TTLL9: variants seen among roughly 807,000 people sequenced by gnomAD.
The protein encoded by TTLL9 is probable tubulin polyglutamylase TTLL9.
In TTLL9, 47 loss-of-function variants were observed where a neutral mutation model predicts 65.6. The ratio of observed to expected loss-of-function variants is 0.72; its 90% CI spans 0.57 to 0.91. The LOEUF (loss-of-function observed/expected upper bound fraction) is 0.91, where lower values mean the gene tolerates loss of function less well. TTLL9 is among the 40% of genes least tolerant of loss of function. The probability of loss-of-function intolerance (pLI) is 0.00; values close to 1 mark genes in which losing one functional copy is unlikely to be tolerated. For synonymous variants in TTLL9, 179 were observed against 204.8 expected, an observed-to-expected ratio of 0.87 and a Z score of 1.07; for missense variants, 537 against 568.8, an observed-to-expected ratio of 0.94 and a Z score of 0.57.
rs146841840 is a variant in TTLL9 at position 31,879,571 on chromosome 20, T to G, written c.70-7625T>G. 91 of 384,190 alleles carry G rather than the reference T, an allele frequency of 2.4e-4. No individual in the cohort carries two copies. In the East Asian group the frequency reaches 3.9e-3, roughly 16 times the overall value. The allele number at this position is 384,190 out of a possible 1,614,324, so 23.8% of individuals were successfully genotyped here. ...AACTTTTCAGATGCAGCGCTCCCAG[T>G]TTAAGGAAAGTGCAGTTGGAGGCGG... is the stretch of plus-strand genomic sequence containing the variant. On this transcript the variant is annotated intron_variant, in intron 2 of 14. Transcript: ENST00000535842.
intron 8 of TTLL9, among the ~76,000 whole-genome samples, chr20:31,924,702 A>G (rs756947133): frequency 6.6e-6 from 1 of 151,760 alleles, no homozygotes; most frequent in East Asian, 1.9e-4. Context: ...TCCTGCCTCA[A>G]TCTCCAGAGT....
At chr20:31,940,953 C>G (rs1403662531) in intron 14 of TTLL9, 1 of 152,212 alleles carries the variant, frequency 6.6e-6, no homozygotes, top group African/African-American at 2.4e-5. Flanking sequence ...CGCGGTGGCT[C>G]ACGCCTGTAA....
chr20:31,921,594 C>T (rs998722584), intron 7 of TTLL9, among the ~76,000 whole-genome samples: 3 of 152,092 alleles, frequency 2.0e-5, no homozygotes, highest in Non-Finnish European at 4.4e-5. Flanking sequence ...CAATAATAGA[C>T]TGGATTAAGA....
chr20:31,908,653 C>T lies in TTLL9; in HGVS notation c.269C>T (p.Thr90Ile). The change falls in exon 5 of 15, where the codon ACC becomes ATC. Residue 90 changes from threonine (T) to isoleucine (I), a missense_variant. Coordinates refer to ENST00000535842, the MANE Select transcript of TTLL9 (RefSeq NM_001008409.5). ...VSWLRENFDHTYMDEHVRISH... is the reference protein window; with the variant it reads ...VSWLRENFDHIYMDEHVRISH... ...TGGCTCCGGGAGAACTTCGACCACA[C>T]CTACATGGATGAACATGTGCGGATC... is the stretch of plus-strand genomic sequence containing the variant. The T allele has an allele frequency of 6.2e-7, 1 of 1,614,164 alleles. No homozygotes were observed. The highest frequency in any genetic ancestry group is 8.5e-7 in the Non-Finnish European group (1 of 1,180,030).
intron 3 of TTLL9, 78 bp downstream of exon 3, chr20:31,887,317 C>G: frequency 7.0e-7 from 1 of 1,437,772 alleles, no homozygotes. Context: ...TCCCTCTCTC[C>G]CTTTTCTACT....
chr20:31,895,874 C>G (rs1262772108), intron 3 of TTLL9, among the ~76,000 whole-genome samples: 2 of 151,898 alleles, frequency 1.3e-5, no homozygotes, highest in Admixed American at 6.6e-5. Flanking sequence ...GGGTCTCGCT[C>G]TCTTGCCCAG....
At chr20:31,914,528 T>C (rs76293982) in intron 6 of TTLL9, among the ~76,000 whole-genome samples, 3,405 of 152,334 alleles carry the variant, frequency 0.022, 70 homozygotes, top group Middle Eastern at 0.041. Flanking sequence ...GAAAACCCGT[T>C]ATCAAACTGT....
chr20:31,916,645 T>A (rs140657256), intron 6 of TTLL9, among the ~76,000 whole-genome samples: 26 of 152,320 alleles, frequency 1.7e-4, no homozygotes, highest in Non-Finnish European at 2.5e-4. Flanking sequence ...CTTCTCTCCA[T>A]CGACTCTGCA....
At chr20:31,934,487 C>T (rs1365402909) in intron 11 of TTLL9, 1 of 681,138 alleles carries the variant, frequency 1.5e-6, no homozygotes, top group East Asian at 2.8e-5. Flanking sequence ...CTTCTGGGGT[C>T]CTGCATAGCC....
In TTLL9 at chr20:31,870,980, A is replaced by C; in HGVS notation, c.-6+31A>C. ...TAATTCCTTCCGATACATCCTCTCC[A>C]CCCGTGCAGAGACACCCTACCAACC... On this transcript the variant is annotated intron_variant, in intron 1 of 14. Coordinates refer to ENST00000535842, the MANE Select transcript of TTLL9 (RefSeq NM_001008409.5). This position sits in a 1 kb window ranked among gnomAD's most constrained non-coding sequence, Gnocchi z 6.6. The C allele has an allele frequency of 1.3e-6, 1 of 771,108 alleles. No individual in the cohort carries two copies. Among genetic ancestry groups the C allele is most frequent in the East Asian group, 2.5e-5 (1 of 40,792 alleles). 47.8% of individuals were successfully genotyped at this position (771,108 alleles called of 1,614,324 possible).
At chr20:31,931,716 G>T (rs1021121189) in intron 10 of TTLL9, among the ~76,000 whole-genome samples, 1 of 152,128 alleles carries the variant, frequency 6.6e-6, no homozygotes, top group Non-Finnish European at 1.5e-5. Flanking sequence ...CAAATCCTTT[G>T]CCCATTCTTA....
chr20:31,914,214 G>A (rs1178023729), intron 6 of TTLL9, among the ~76,000 whole-genome samples: 2 of 152,144 alleles, frequency 1.3e-5, no homozygotes, highest in Non-Finnish European at 2.9e-5. Context: ...TCTAAGAGTC[G>A]GGATGCTTTA....
chr20:31,939,104 G>C, intron 13 of TTLL9, 38 bp from the exon 14 acceptor site: 1 of 1,526,680 alleles, frequency 6.6e-7, no homozygotes, highest in Non-Finnish European at 8.8e-7. Context: ...TCTGCCAGGT[G>C]CACCTTCATT....
Position 31,907,715 on chromosome 20 carries a change from C to T in TTLL9, c.207-876C>T, listed in dbSNP as rs576024432. On this transcript the variant is annotated intron_variant, in intron 4 of 14. Coordinates refer to ENST00000535842, the MANE Select transcript of TTLL9 (RefSeq NM_001008409.5). The stretch of plus-strand genomic sequence containing the variant: ...CAGCCTGGGTAACAAAGTGATACAC[C>T]GTCTCGAAAAAAGAAAAAAAAAAAA... Among the ~76,000 whole-genome samples the T allele has an allele frequency of 8.6e-5, 13 of 150,576 alleles. No individual in the cohort carries two copies. In the East Asian group the frequency reaches 1.6e-3, roughly 18 times the overall value.
At chr20:31,874,270 G>C (rs1273656542) in intron 2 of TTLL9, among the ~76,000 whole-genome samples, 2 of 152,146 alleles carry the variant, frequency 1.3e-5, no homozygotes, top group Non-Finnish European at 2.9e-5. Flanking sequence ...AAGCCCTTTA[G>C]TGGATTACTG....
Position 31,898,505 on chromosome 20 carries a change from C to T in TTLL9, c.146C>T (p.Thr49Ile). Residue 49 changes from threonine (T) to isoleucine (I), a missense_variant, in exon 4 of 15, where the codon ACC becomes ATC. Thr to Ile is a moderately conservative substitution (Grantham distance 89). Transcript: ENST00000535842. ...EQRASIRFKT[T>I]LMNTLMDVLR... ...AGAGCATCGATCCGGTTCAAGACCA[C>T]CCTCATGAACACACTCATGGACGTC... 6.2e-7 allele frequency: 1 copy of T among 1,614,208 alleles called. No homozygotes were observed. Among genetic ancestry groups the T allele is most frequent in the South Asian group, 1.1e-5 (1 of 91,082 alleles).
intron 4 of TTLL9, 98 bp from the exon 5 acceptor site, chr20:31,908,493 T>C (rs1568787759): frequency 3.9e-6 from 3 of 767,836 alleles, no homozygotes; most frequent in Non-Finnish European, 6.8e-6. Flanking sequence ...CAGTGCTGTG[T>C]ACCCTTCCTC....
intron 2 of TTLL9, among the ~76,000 whole-genome samples, chr20:31,874,964 C>G (rs1346090218): frequency 2.0e-5 from 3 of 152,164 alleles, no homozygotes; most frequent in Non-Finnish European, 2.9e-5. Flanking sequence ...CTGCCGTCAC[C>G]TTCATTTTAG....
intron 2 of TTLL9, among the ~76,000 whole-genome samples, chr20:31,885,047 A>G (rs1454512152): frequency 6.6e-6 from 1 of 152,234 alleles, no homozygotes; most frequent in Non-Finnish European, 1.5e-5. Flanking sequence ...AAATAGAAAA[A>G]AATTTTTAAA....
Sources: allele counts gnomAD v4.1 joint callset (sites outside exome capture counted in the v4.1 genomes callset), GRCh38; gene constraint gnomAD v4.1.1; non-coding constraint Gnocchi (gnomAD v3.1); transcripts MANE v1.5; gene names NCBI Gene and HGNC (gene_info 2026-07-23, HGNC 2026-07-21).